The following A2M variants were observed in gnomAD, a reference collection of about 807,000 sequenced individuals.
A2M encodes the protein alpha-2-macroglobulin, also known as C3 and PZP-like alpha-2-macroglobulin domain-containing protein 5.
A neutral mutation model predicts 183.9 loss-of-function variants in A2M; 128 were observed. That is an observed-to-expected ratio of 0.70 (90% CI 0.60 to 0.81). The LOEUF is 0.81. Among genes scored for constraint, A2M ranks in the 30% least tolerant of loss-of-function variants. A2M has a pLI of 0.00. For missense variants in A2M, 1,495 were observed against 1,787.6 expected (o/e 0.84, Z 2.95); for synonymous variants, 592 against 670.8 (o/e 0.88, Z 1.81).
In A2M at chr12:9,107,560, T is replaced by C. The variant is rs1157556457; in HGVS notation, c.843A>G (p.Glu281=). The change falls in exon 8 of 36, where the codon GAA becomes GAG. Residue 281 remains glutamate, a synonymous_variant. Coordinates refer to ENST00000318602, the MANE Select transcript of A2M (RefSeq NM_000014.6). The part of the protein sequence containing the change: ...KYSDASDCHG[E]DSQAFCEKFS... ...ATTTCTCACAGAAAGCCTGTGAATC[T>C]TCACCGTGGCAGTCGGAAGCGTCAC... 2 of 1,613,888 alleles carry C rather than the reference T, an allele frequency of 1.2e-6. No homozygotes were observed. The highest frequency in any genetic ancestry group is 2.7e-5 in the African/African-American group (2 of 74,950).
chr12:9,074,432 C>T, intron 29 of A2M, 128 bp downstream of exon 29: 1 of 904,932 alleles, frequency 1.1e-6, no homozygotes, highest in Non-Finnish European at 1.7e-6. Flanking sequence ...TCCTTGGATA[C>T]TGAAAACTTT....
chr12:9,079,234 C>A lies in A2M; in HGVS notation c.3119+10G>T, dbSNP rs1431928641. The A allele has an allele frequency of 6.2e-7, 1 of 1,611,146 alleles. No homozygotes were observed. The highest frequency in any genetic ancestry group is 8.5e-7 in the Non-Finnish European group (1 of 1,178,726). On this transcript the variant is annotated intron_variant, in intron 25 of 35. Transcript: ENST00000318602. ...ACAAAAAGAAGCTCAAAAAATTGTT[C>A]TTTCCTTACCAGGTGTTGCCCTGGT...
Position 9,113,353 on chromosome 12 carries a change from C to T in A2M, c.270+7G>A, listed in dbSNP as rs766195494. ...CCAAGTATATTAAGTCAAACAGCCACACTCACAGCGAAGGCGACACAGTGG... is the reference window on the plus strand; with the variant it reads ...CCAAGTATATTAAGTCAAACAGCCATACTCACAGCGAAGGCGACACAGTGG... On this transcript the variant is annotated splice_region_variant and intron_variant, in intron 2 of 35. Coordinates refer to ENST00000318602, the MANE Select transcript of A2M (RefSeq NM_000014.6). 1.2e-6 allele frequency: 2 copies of T among 1,612,830 alleles called. No homozygotes were observed. Among genetic ancestry groups the T allele is most frequent in the Admixed American group, 3.3e-5 (2 of 59,842 alleles).
chr12:9,095,005 T>C lies in A2M; in HGVS notation c.2093A>G (p.His698Arg). The change falls in exon 17 of 36, where the codon CAT becomes CGT. Residue 698 changes from histidine (H) to arginine (R), a missense_variant. Physicochemically the swap from His to Arg is conservative, Grantham distance 29. Coordinates refer to ENST00000318602, the MANE Select transcript of A2M (RefSeq NM_000014.6). ...ACCTACACGTAGACCTTCAGGTCCA[T>C]GCATTTCATACTGTTGAAGCTGTGG... ...MCPQLQQYEM[H>R]GPEGLRVGFY... 2 of 1,589,472 alleles carry C rather than the reference T, an allele frequency of 1.3e-6. No individual in the cohort carries two copies. Among genetic ancestry groups the C allele is most frequent in the African/African-American group, 1.3e-5 (1 of 74,696 alleles).
Position 9,072,639 on chromosome 12 carries a change from C to T in A2M, c.3975+14G>A, listed in dbSNP as rs1199396635. 3 of 1,613,362 alleles carry T rather than the reference C, an allele frequency of 1.9e-6. No homozygotes were observed. The highest frequency in any genetic ancestry group is 2.7e-5 in the African/African-American group (2 of 75,032). On this transcript the variant is annotated intron_variant, in intron 30 of 35. Transcript: ENST00000318602. ...TCCTCATCTGTCCTGTCCTCACCTG[C>T]CCAAGAGTCTCACCTGGAGGTAGAC...
At chr12:9,079,060 T>C (rs1672064970) in intron 25 of A2M, among the ~76,000 whole-genome samples, 184 bp downstream of exon 25, 1 of 152,082 alleles carries the variant, frequency 6.6e-6, no homozygotes, top group East Asian at 1.9e-4. Context: ...AAGCCTAACA[T>C]AACATGTATT....
intron 1 of A2M, among the ~76,000 whole-genome samples, chr12:9,114,565 C>T (rs1025501437): frequency 1.5e-4 from 22 of 151,672 alleles, no homozygotes; most frequent in African/African-American, 5.3e-4. Context: ...CTTCTTTTTT[C>T]CTTTTTGAAT....
At chr12:9,084,746 T>TA (rs954934722) in intron 22 of A2M, among the ~76,000 whole-genome samples, 2 of 152,020 alleles carry the variant, frequency 1.3e-5, no homozygotes, top group African/African-American at 2.4e-5. Flanking sequence ...TGAATGGATT[T>TA]AAAAAAACAG....
At chr12:9,109,195 G>A (rs1938536206) in intron 7 of A2M, 126 bp downstream of exon 7, 4 of 657,294 alleles carry the variant, frequency 6.1e-6, no homozygotes, top group Non-Finnish European at 2.7e-6. Context: ...CTACAGATGA[G>A]GATGCTGTCA....
intron 28 of A2M, among the ~76,000 whole-genome samples, chr12:9,075,929 AT>A (rs1216196296): frequency 6.6e-6 from 1 of 152,214 alleles, no homozygotes; most frequent in African/African-American, 2.4e-5. Context: ...ATTATAAAAT[AT>A]TTCTCAATAC....
chr12:9,107,564 C>A lies in A2M; in HGVS notation c.839G>T (p.Gly280Val). ...CTCACAGAAAGCCTGTGAATCTTCA[C>A]CGTGGCAGTCGGAAGCGTCACTATA... ...RKYSDASDCHGEDSQAFCEKF... is the reference protein window; with the variant it reads ...RKYSDASDCHVEDSQAFCEKF... The change falls in exon 8 of 36, where the codon GGT becomes GTT. Residue 280 changes from glycine to valine, a missense_variant. Transcript: ENST00000318602. The A allele has an allele frequency of 6.2e-7, 1 of 1,613,994 alleles. No individual in the cohort carries two copies. Among genetic ancestry groups the A allele is most frequent in the Non-Finnish European group, 8.5e-7 (1 of 1,179,868 alleles).
intron 22 of A2M, 39 bp from the exon 23 acceptor site, chr12:9,080,216 C>T: frequency 7.3e-7 from 1 of 1,369,326 alleles, no homozygotes; most frequent in South Asian, 1.2e-5. Flanking sequence ...AAAATTATTT[C>T]TGCATTATAT....
chr12:9,071,052 TA>T (rs1375355515), intron 31 of A2M, among the ~76,000 whole-genome samples: 1 of 152,068 alleles, frequency 6.6e-6, no homozygotes, highest in African/African-American at 2.4e-5. Context: ...ACTCCCGACC[TA>T]AGGTAATCTG....
At position 9,104,529 on chromosome 12, in the gene A2M, GA is replaced by G. The variant is rs35996014; in HGVS notation, c.1105-130del. On this transcript the variant is annotated intron_variant, in intron 10 of 35. Transcript: ENST00000318602. ...TTCCAGGCACTGAGGACACAGCAGT[GA>G]AAAAAAACGAAGTTTCTTCCATCAC... 35 of 856,360 alleles carry G rather than the reference GA, an allele frequency of 4.1e-5. 1 individual carries two copies. The highest frequency in any genetic ancestry group is 6.4e-5 in the Admixed American group (2 of 31,414). The allele number at this position is 856,360 out of a possible 1,614,324, so 53.0% of individuals were successfully genotyped here. A position where few individuals can be genotyped will look rare whatever the true frequency, so the allele number is the denominator to read the frequency against.
intron 22 of A2M, among the ~76,000 whole-genome samples, chr12:9,087,296 T>C (rs1455533912): frequency 6.6e-6 from 1 of 152,180 alleles, no homozygotes; most frequent in Admixed American, 6.5e-5. Context: ...TAAAGAAAAT[T>C]TGGTATATAC....
chr12:9,110,789 C>T (rs1938668290), intron 4 of A2M, among the ~76,000 whole-genome samples: 1 of 151,882 alleles, frequency 6.6e-6, no homozygotes, highest in Non-Finnish European at 1.5e-5. Flanking sequence ...AGAAATATTC[C>T]AGATTAAATT....
chr12:9,088,175 C>T (rs1380633994), intron 22 of A2M, among the ~76,000 whole-genome samples: 1 of 151,758 alleles, frequency 6.6e-6, no homozygotes, highest in Non-Finnish European at 1.5e-5. Flanking sequence ...CATCTACACA[C>T]ATTATTTCTA....
intron 11 of A2M, among the ~76,000 whole-genome samples, chr12:9,102,686 A>G (rs1237108916): frequency 5.3e-5 from 8 of 152,154 alleles, no homozygotes; most frequent in Admixed American, 5.2e-4. Flanking sequence ...CTTGAGCAAA[A>G]CATTTTGTTC....
chr12:9,113,583 G>A (rs1291301265), intron 1 of A2M, 40 bp from the exon 2 acceptor site: 2 of 1,583,284 alleles, frequency 1.3e-6, no homozygotes, highest in Admixed American at 3.4e-5. Context: ...AGTGAAGGAA[G>A]AGAGGCATTG....
Sources: allele counts gnomAD v4.1 joint callset (sites outside exome capture counted in the v4.1 genomes callset), GRCh38; gene constraint gnomAD v4.1.1; transcripts MANE v1.5; gene names NCBI Gene and HGNC (gene_info 2026-07-23, HGNC 2026-07-21).